OPCML: variants seen among roughly 807,000 people sequenced by gnomAD.
OPCML encodes the protein opioid binding protein/cell adhesion molecule like.
A neutral mutation model predicts 37.8 loss-of-function variants in OPCML; 13 were observed. That is an observed-to-expected ratio of 0.34 (90% CI 0.22 to 0.55). The LOEUF (loss-of-function observed/expected upper bound fraction) is 0.55. OPCML is among the 20% of genes least tolerant of loss of function. OPCML has a pLI of 0.91. For synonymous variants in OPCML, 176 were observed against 168.8 expected, an observed-to-expected ratio of 1.04 and a Z score of -0.33; for missense variants, 341 against 435.6, an observed-to-expected ratio of 0.78 and a Z score of 1.93.
intron 2 of OPCML, among the ~76,000 whole-genome samples, chr11:132,687,389 T>C (rs1215843171): frequency 8.8e-4 from 50 of 56,620 alleles, no homozygotes; most frequent in African/African-American, 5.2e-3. Flanking sequence ...TATATATATA[T>C]ATATATATAT....
chr11:133,091,417 A>G (rs1488386077), intron 1 of OPCML, among the ~76,000 whole-genome samples: 1 of 152,212 alleles, frequency 6.6e-6, no homozygotes, highest in Non-Finnish European at 1.5e-5. Context: ...GTGCAACGCC[A>G]GCCTGGGAAA....
chr11:133,348,810 G>A (rs995485339), intron 1 of OPCML, among the ~76,000 whole-genome samples: 1 of 152,240 alleles, frequency 6.6e-6, no homozygotes, highest in Admixed American at 6.5e-5. Flanking sequence ...AGACTTCATC[G>A]ATATTTATAC....
At chr11:133,422,353 A>G (rs2136897056) in intron 1 of OPCML, 1 of 966,778 alleles carries the variant, frequency 1.0e-6, no homozygotes, top group East Asian at 1.2e-4. Context: ...ATACTAGGCC[A>G]TTTTTTCTCT....
intron 1 of OPCML, among the ~76,000 whole-genome samples, chr11:133,450,224 A>G (rs1461393130): frequency 6.6e-6 from 1 of 151,726 alleles, no homozygotes; most frequent in Non-Finnish European, 1.5e-5. Flanking sequence ...ATAAACATCT[A>G]TTGATTAAGT....
chr11:133,506,533 G>A (rs774912770), intron 1 of OPCML, among the ~76,000 whole-genome samples: 6 of 152,152 alleles, frequency 3.9e-5, no homozygotes, highest in Non-Finnish European at 7.3e-5. Flanking sequence ...CTGGCGTTGT[G>A]ATCCCTCAGG....
At chr11:133,415,643 C>T (rs905500963) in intron 1 of OPCML, among the ~76,000 whole-genome samples, 8 of 152,172 alleles carry the variant, frequency 5.3e-5, no homozygotes, top group Admixed American at 4.6e-4. Context: ...GGAACCTGTG[C>T]ATGTGGTACC....
chr11:132,883,381 C>T (rs1482496727), intron 2 of OPCML, among the ~76,000 whole-genome samples: 4 of 152,084 alleles, frequency 2.6e-5, no homozygotes, highest in East Asian at 3.9e-4. Context: ...GGAACACACC[C>T]GCAAGAGAGC....
At chr11:133,403,090 G>A (rs1945443556) in intron 1 of OPCML, among the ~76,000 whole-genome samples, 1 of 152,186 alleles carries the variant, frequency 6.6e-6, no homozygotes, top group African/African-American at 2.4e-5. Flanking sequence ...TTTTTGTGCA[G>A]TGATTAAAGA....
chr11:132,822,918 G>A (rs1260904273), intron 2 of OPCML, among the ~76,000 whole-genome samples: 2 of 152,086 alleles, frequency 1.3e-5, no homozygotes, highest in African/African-American at 4.8e-5. Context: ...ATTTGTAAAT[G>A]AAGACTATAA....
At chr11:133,496,731 G>A (rs1256230556) in intron 1 of OPCML, among the ~76,000 whole-genome samples, 1 of 152,202 alleles carries the variant, frequency 6.6e-6, no homozygotes, top group Admixed American at 6.5e-5. Flanking sequence ...AAGAGCTACT[G>A]ATTTGTGTAC....
chr11:132,897,443 C>G (rs566528035), intron 2 of OPCML, among the ~76,000 whole-genome samples: 1 of 152,152 alleles, frequency 6.6e-6, no homozygotes, highest in Non-Finnish European at 1.5e-5. Context: ...AGCACAGGCC[C>G]TGGAGGTACA....
At chr11:133,284,283 C>T (rs1009425822) in intron 1 of OPCML, among the ~76,000 whole-genome samples, 1 of 152,210 alleles carries the variant, frequency 6.6e-6, no homozygotes, top group Non-Finnish European at 1.5e-5. Context: ...TGGCCTGTCT[C>T]GTCAGAGGCC....
At chr11:133,275,958 T>G (rs1319830334) in intron 1 of OPCML, among the ~76,000 whole-genome samples, 2 of 152,170 alleles carry the variant, frequency 1.3e-5, no homozygotes, top group Admixed American at 1.3e-4. Context: ...AATGTTGAAG[T>G]TGTCCACATC....
chr11:133,377,780 A>T (rs4073610), intron 1 of OPCML, among the ~76,000 whole-genome samples: 55,767 of 151,678 alleles, frequency 0.37, 11,995 homozygotes, highest in East Asian at 0.65. Context: ...TCACTAAATT[A>T]TCTCTGTTTG....
intron 1 of OPCML, among the ~76,000 whole-genome samples, chr11:133,530,453 G>T (rs571047287): frequency 6.6e-6 from 1 of 152,380 alleles, no homozygotes; most frequent in African/African-American, 2.4e-5. Flanking sequence ...TGAGAGGAGG[G>T]GAAGCGGGTA....
chr11:132,846,818 G>C (rs1040765304), intron 2 of OPCML, among the ~76,000 whole-genome samples: 1 of 152,150 alleles, frequency 6.6e-6, no homozygotes, highest in African/African-American at 2.4e-5. Context: ...TCCTACTTGG[G>C]AGAGCTCTGT....
At chr11:133,365,091 C>T (rs1202494066) in intron 1 of OPCML, among the ~76,000 whole-genome samples, 1 of 150,754 alleles carries the variant, frequency 6.6e-6, no homozygotes, top group African/African-American at 2.5e-5. Flanking sequence ...CACTTATATA[C>T]CCATTCTGCC....
At chr11:132,771,039 T>C (rs1234013503) in intron 2 of OPCML, among the ~76,000 whole-genome samples, 1 of 152,120 alleles carries the variant, frequency 6.6e-6, no homozygotes, top group Non-Finnish European at 1.5e-5. Flanking sequence ...GATCGCAGGG[T>C]AGTTCAGTAT....
intron 1 of OPCML, among the ~76,000 whole-genome samples, chr11:133,434,802 A>G (rs1030643731): frequency 4.9e-5 from 5 of 102,184 alleles, no homozygotes; most frequent in Non-Finnish European, 6.0e-5. Flanking sequence ...ATATATGTAT[A>G]TATATATATA....
Sources: allele counts gnomAD v4.1 joint callset (sites outside exome capture counted in the v4.1 genomes callset), GRCh38; gene constraint gnomAD v4.1.1; transcripts MANE v1.5; gene names NCBI Gene and HGNC (gene_info 2026-07-23, HGNC 2026-07-21).